Variants in LYPD6 observed in about 807,000 individuals in gnomAD.
The protein encoded by LYPD6 is LY6/PLAUR domain containing 6, also known as ly6/PLAUR domain-containing protein 6.
Under a neutral mutation model 22.7 loss-of-function variants are expected in LYPD6, and 15 were observed. The observed-to-expected ratio is 0.66, with a 90% CI of 0.44 to 1.02. LYPD6 has a LOEUF of 1.02. Ranked by LOEUF, LYPD6 falls within the 50% of genes least tolerant of loss-of-function variation. The pLI, the probability that LYPD6 is intolerant of heterozygous loss-of-function variation, is 0.00. For missense variants in LYPD6, 189 were observed against 208.4 expected, an observed-to-expected ratio of 0.91 and a Z score of 0.57; for synonymous variants, 72 against 77.5, an observed-to-expected ratio of 0.93 and a Z score of 0.37.
At chr2:149,412,049 T>C (rs1358229472) in intron 1 of LYPD6, among the ~76,000 whole-genome samples, 1 of 152,246 alleles carries the variant, frequency 6.6e-6, no homozygotes. Flanking sequence ...ATTTAGATTA[T>C]GTGCATTCTC....
the LYPD6 span, among the ~76,000 whole-genome samples, chr2:149,484,195 CTGTT>C: frequency 1.2e-3 from 182 of 152,308 alleles, no homozygotes; most frequent in Non-Finnish European, 1.4e-3. Flanking sequence ...GTTTACCAAA[CTGTT>C]TGACATTTCA....
At chr2:149,441,721 A>C (rs1683571637) in intron 2 of LYPD6, among the ~76,000 whole-genome samples, 1 of 152,246 alleles carries the variant, frequency 6.6e-6, no homozygotes, top group African/African-American at 2.4e-5. Context: ...AAGAACTTTC[A>C]AAACAAGAGT....
chr2:149,469,036 G>A (rs1277417820), intron 4 of LYPD6, among the ~76,000 whole-genome samples: 1 of 152,192 alleles, frequency 6.6e-6, no homozygotes, highest in Non-Finnish European at 1.5e-5. Flanking sequence ...TCTTCACTCA[G>A]AGGAAAGTAA....
chr2:149,345,333 G>A (rs1032218094), intron 1 of LYPD6, among the ~76,000 whole-genome samples: 7 of 146,976 alleles, frequency 4.8e-5, no homozygotes, highest in Middle Eastern at 3.2e-3. Flanking sequence ...TTGAGACGGA[G>A]CCTCGCTTTG....
chr2:149,410,636 G>T (rs1396364433), intron 1 of LYPD6, among the ~76,000 whole-genome samples: 1 of 152,134 alleles, frequency 6.6e-6, no homozygotes, highest in South Asian at 2.1e-4. Flanking sequence ...AGTGCAGATT[G>T]TCTAAAGTCG....
At chr2:149,341,610 T>G (rs568624495) in intron 1 of LYPD6, among the ~76,000 whole-genome samples, 2 of 152,160 alleles carry the variant, frequency 1.3e-5, no homozygotes, top group Non-Finnish European at 2.9e-5. Flanking sequence ...TGTGCTACTA[T>G]AACAAAATAC....
intron 1 of LYPD6, among the ~76,000 whole-genome samples, chr2:149,366,602 G>A (rs907399814): frequency 3.3e-5 from 5 of 152,302 alleles, no homozygotes; most frequent in Middle Eastern, 3.4e-3. Flanking sequence ...CTTGCAGGGG[G>A]TGGAGGTTGG....
intron 1 of LYPD6, among the ~76,000 whole-genome samples, chr2:149,331,121 C>A (rs561798058): frequency 4.7e-4 from 71 of 152,300 alleles, no homozygotes; most frequent in Non-Finnish European, 6.2e-4. Context: ...GGCGGACTGG[C>A]AGCACCCCAC....
At chr2:149,360,666 C>T (rs1681555064) in intron 1 of LYPD6, among the ~76,000 whole-genome samples, 1 of 149,506 alleles carries the variant, frequency 6.7e-6, no homozygotes, top group Non-Finnish European at 1.5e-5. Context: ...GTTCTGCCTT[C>T]TGCAGTCCAC....
At chr2:149,484,934 A>G in the LYPD6 span, among the ~76,000 whole-genome samples, 1 of 152,200 alleles carries the variant, frequency 6.6e-6, no homozygotes, top group Non-Finnish European at 1.5e-5. Flanking sequence ...GCAAAACCCA[A>G]CAAAAGTTGG....
chr2:149,357,183 A>G (rs1403896519), intron 1 of LYPD6, among the ~76,000 whole-genome samples: 6 of 152,194 alleles, frequency 3.9e-5, no homozygotes, highest in African/African-American at 1.2e-4. Flanking sequence ...CCTGATTGGC[A>G]TTTAACCATT....
At chr2:149,446,734 C>G (rs1683698169) in intron 2 of LYPD6, among the ~76,000 whole-genome samples, 1 of 152,062 alleles carries the variant, frequency 6.6e-6, no homozygotes, top group Admixed American at 6.6e-5. Context: ...ATAAAAAGTT[C>G]CGATTACTTG....
intron 1 of LYPD6, among the ~76,000 whole-genome samples, chr2:149,369,213 A>T (rs1276530457): frequency 6.6e-6 from 1 of 152,136 alleles, no homozygotes; most frequent in East Asian, 1.9e-4. Context: ...GGGAGCCAAC[A>T]CAAGCTAGCT....
Position 149,471,481 on chromosome 2 carries a change from T to C in LYPD6, c.*631T>C, listed in dbSNP as rs1681333021. The C allele has an allele frequency of 6.6e-6, 1 of 152,190 alleles. No homozygotes were observed. Among genetic ancestry groups the C allele is most frequent in the African/African-American group, 2.4e-5 (1 of 41,462 alleles). The allele number at this position is 152,190 out of a possible 1,614,324, so 9.4% of individuals were successfully genotyped here. ...AAGACAAAAAGGCAATCATAAAAGTTTGTTATATTTGTGGGGGTGCCTGGA... is the reference window on the plus strand; with the variant it reads ...AAGACAAAAAGGCAATCATAAAAGTCTGTTATATTTGTGGGGGTGCCTGGA... On this transcript the variant is annotated 3_prime_UTR_variant, in exon 5 of 5. Transcript: ENST00000334166.
chr2:149,460,938 A>C (rs1266624132), intron 3 of LYPD6, among the ~76,000 whole-genome samples: 1 of 152,088 alleles, frequency 6.6e-6, no homozygotes, highest in Non-Finnish European at 1.5e-5. Flanking sequence ...AACTGAATGA[A>C]ATTAAAACAT....
At chr2:149,448,261 C>T (rs1254496085) in intron 2 of LYPD6, among the ~76,000 whole-genome samples, 1 of 151,970 alleles carries the variant, frequency 6.6e-6, no homozygotes, top group Non-Finnish European at 1.5e-5. Flanking sequence ...CCACTGCACT[C>T]CAGTCTGGGC....
intron 3 of LYPD6, among the ~76,000 whole-genome samples, chr2:149,455,895 A>G (rs1449917005): frequency 6.6e-6 from 1 of 152,218 alleles, no homozygotes; most frequent in Non-Finnish European, 1.5e-5. Flanking sequence ...AATGTGGATG[A>G]ATATTTTTTA....
intron 1 of LYPD6, among the ~76,000 whole-genome samples, chr2:149,433,026 C>T (rs1683351878): frequency 6.6e-6 from 1 of 152,088 alleles, no homozygotes; most frequent in African/African-American, 2.4e-5. Flanking sequence ...TCCTTAAGTC[C>T]TACATTATTT....
chr2:149,423,509 T>C lies in LYPD6; in HGVS notation c.-71-14129T>C, dbSNP rs142244693. Among the ~76,000 whole-genome samples, 435 of 152,016 alleles carry C rather than the reference T, an allele frequency of 2.9e-3. 3 individuals carry two copies. The highest frequency in any genetic ancestry group is 4.0e-3 in the Non-Finnish European group (275 of 67,978). ...TGTTGAAATTAAGCAAGGTTTAGAG[T>C]TGCTATGTTTCTGCTGACTGTGACA... On this transcript the variant is annotated intron_variant, in intron 1 of 4. Coordinates refer to ENST00000334166, the MANE Select transcript of LYPD6 (RefSeq NM_194317.5).
Sources: allele counts gnomAD v4.1 joint callset (sites outside exome capture counted in the v4.1 genomes callset), GRCh38; gene constraint gnomAD v4.1.1; transcripts MANE v1.5; gene names NCBI Gene and HGNC (gene_info 2026-07-23, HGNC 2026-07-21).